Variants in VAMP7 observed in about 807,000 individuals in gnomAD.
The protein encoded by VAMP7 is vesicle-associated membrane protein 7.
In VAMP7, 14 loss-of-function variants were observed where a neutral mutation model predicts 29.6. That is an observed-to-expected ratio of 0.47 (90% CI 0.31 to 0.74). The LOEUF (loss-of-function observed/expected upper bound fraction) is 0.74, where lower values mean the gene tolerates loss of function less well. Ranked by LOEUF, VAMP7 falls within the 30% of genes least tolerant of loss-of-function variation. The pLI, the probability that VAMP7 is intolerant of heterozygous loss-of-function variation, is 0.05. For synonymous variants in VAMP7, 95 were observed against 88.1 expected (o/e 1.08, Z -0.44); for missense variants, 223 against 262.4 (o/e 0.85, Z 1.04).
In VAMP7 at chrX:155,942,181, G is replaced by A. The variant is rs2066755456; in HGVS notation, c.*230G>A. The A allele has an allele frequency of 1.3e-6, 2 of 1,535,432 alleles. No homozygotes were observed. The highest frequency in any genetic ancestry group is 2.1e-5 in the Admixed American group (1 of 48,190). On this transcript the variant is annotated 3_prime_UTR_variant, in exon 8 of 8. Coordinates refer to ENST00000286448, the MANE Select transcript of VAMP7 (RefSeq NM_005638.6). Reference sequence around the variant, plus strand: ...TTCATTGCAGCAGTAGCCTTAAAAAGGCTTTTGTTTATTTCTTTGGTTTGT... The same window carrying A: ...TTCATTGCAGCAGTAGCCTTAAAAAAGCTTTTGTTTATTTCTTTGGTTTGT...
At chrX:155,938,522 C>T (rs2066696108) in intron 6 of VAMP7, among the ~76,000 whole-genome samples, 2 of 152,140 alleles carry the variant, frequency 1.3e-5, no homozygotes, top group South Asian at 2.1e-4. Context: ...ACAAAGTAAA[C>T]ATACCATGTA....
intron 5 of VAMP7, among the ~76,000 whole-genome samples, chrX:155,914,461 C>A (rs1354843045): frequency 1.3e-5 from 2 of 152,070 alleles, no homozygotes; most frequent in Non-Finnish European, 2.9e-5. Flanking sequence ...GGAATACTTC[C>A]AGCTTTTGCC....
At chrX:155,908,616 T>TTTG (rs1257032825) in intron 5 of VAMP7, among the ~76,000 whole-genome samples, 1 of 19,820 alleles carries the variant, frequency 5.0e-5, no homozygotes, top group Non-Finnish European at 9.2e-5. Context: ...TTGTGATGTC[T>TTTG]TTGGTTTTGA....
At chrX:155,886,562 G>T (rs982012789) in intron 1 of VAMP7, among the ~76,000 whole-genome samples, 1 of 152,026 alleles carries the variant, frequency 6.6e-6, no homozygotes, top group African/African-American at 2.4e-5. Context: ...AAAAACTATT[G>T]TCATGTTCCC....
chrX:155,886,636 A>C (rs920303751), intron 1 of VAMP7, among the ~76,000 whole-genome samples: 11 of 152,096 alleles, frequency 7.2e-5, no homozygotes, highest in African/African-American at 2.7e-4. Context: ...CAGATGACAC[A>C]ATCTCCATGT....
intron 6 of VAMP7, among the ~76,000 whole-genome samples, chrX:155,925,258 A>T (rs1170120474): frequency 9.9e-5 from 15 of 152,158 alleles, no homozygotes; most frequent in Non-Finnish European, 2.2e-4. Context: ...AGAATGGTGA[A>T]TCCTTTCTAG....
chrX:155,911,807 C>A (rs988828226), intron 5 of VAMP7, among the ~76,000 whole-genome samples: 2 of 152,024 alleles, frequency 1.3e-5, no homozygotes, highest in Non-Finnish European at 2.9e-5. Flanking sequence ...TATGTTGATT[C>A]TGTATCCTGC....
At chrX:155,905,560 T>A (rs933507514) in intron 5 of VAMP7, among the ~76,000 whole-genome samples, 3 of 152,210 alleles carry the variant, frequency 2.0e-5, no homozygotes, top group Non-Finnish European at 4.4e-5. Flanking sequence ...ATCTATGATC[T>A]ATTTTGAGTT....
At chrX:155,898,069 T>C (rs773409589) in intron 3 of VAMP7, 43 bp from the exon 4 acceptor site, 49 of 1,598,440 alleles carry the variant, frequency 3.1e-5, no homozygotes, top group Non-Finnish European at 3.9e-5. Flanking sequence ...ACATCATCTT[T>C]GTTTACTTTC....
chrX:155,929,695 C>T (rs896480092), intron 6 of VAMP7, among the ~76,000 whole-genome samples: 9 of 152,036 alleles, frequency 5.9e-5, no homozygotes, highest in East Asian at 3.9e-4. Flanking sequence ...GATGGAAAGA[C>T]GTAAAAAAGG....
intron 5 of VAMP7, among the ~76,000 whole-genome samples, chrX:155,911,182 T>C (rs1231557728): frequency 6.6e-6 from 1 of 152,222 alleles, no homozygotes; most frequent in African/African-American, 2.4e-5. Context: ...ATACCATTTA[T>C]TGAAGAAAGT....
In VAMP7 at chrX:155,942,369, GTTA is replaced by G. The variant is rs1373429357; in HGVS notation, c.*421_*423del. On this transcript the variant is annotated 3_prime_UTR_variant, in exon 8 of 8. Coordinates refer to ENST00000286448, the MANE Select transcript of VAMP7 (RefSeq NM_005638.6). ...CTAACATCTCATCTTAATGTCTTTT[GTTA>G]TTGAGAAGTTTTAGGTGCTTCAAAA... 1 of 552,886 alleles carries G rather than the reference GTTA, an allele frequency of 1.8e-6. No homozygotes were observed. The highest frequency in any genetic ancestry group is 1.9e-5 in the African/African-American group (1 of 53,410). 34.2% of individuals were successfully genotyped at this position (552,886 alleles called of 1,614,324 possible).
chrX:155,925,756 G>T (rs186800006), intron 6 of VAMP7, among the ~76,000 whole-genome samples: 1 of 152,136 alleles, frequency 6.6e-6, no homozygotes, highest in African/African-American at 2.4e-5. Flanking sequence ...AATCAGATAC[G>T]CATTTATCTC....
In VAMP7 at chrX:155,939,757, C is replaced by A; in HGVS notation, c.558C>A (p.Asn186Lys). ...TTGCTCGAGCCATGTGTATGAAGAA[C>A]CTCAAGCTCACTATTATCATCATCA... ...RNLARAMCMK[N>K]LKLTIIIIIV... The change falls in exon 7 of 8, where the codon AAC (asparagine) becomes AAA (lysine). Residue 186 changes from asparagine (N) to lysine (K), a missense_variant. Asn to Lys is a moderately conservative substitution (Grantham distance 94). Coordinates refer to ENST00000286448, the MANE Select transcript of VAMP7 (RefSeq NM_005638.6). 6.2e-7 allele frequency: 1 copy of A among 1,613,844 alleles called. No homozygotes were observed. The highest frequency in any genetic ancestry group is 8.5e-7 in the Non-Finnish European group (1 of 1,179,826).
chrX:155,908,782 CT>C (rs1375859693), intron 5 of VAMP7, among the ~76,000 whole-genome samples: 1 of 151,914 alleles, frequency 6.6e-6, no homozygotes, highest in African/African-American at 2.4e-5. Context: ...TTGTGTGAAG[CT>C]TTTTTGTTTT....
chrX:155,897,525 T>C, intron 3 of VAMP7, among the ~76,000 whole-genome samples: 1 of 152,340 alleles, frequency 6.6e-6, no homozygotes, highest in Middle Eastern at 3.4e-3. Context: ...AGCTATAATT[T>C]GATACACACA....
At chrX:155,935,854 A>G (rs2066644952) in intron 6 of VAMP7, among the ~76,000 whole-genome samples, 1 of 151,798 alleles carries the variant, frequency 6.6e-6, no homozygotes, top group Non-Finnish European at 1.5e-5. Context: ...GTCTTTGATG[A>G]TGGTGACATA....
intron 1 of VAMP7, among the ~76,000 whole-genome samples, chrX:155,885,313 G>A (rs1250756094): frequency 1.3e-5 from 2 of 152,152 alleles, no homozygotes; most frequent in Non-Finnish European, 2.9e-5. Flanking sequence ...CAAGGAAAAC[G>A]AAGGGACAGA....
intron 3 of VAMP7, 69 bp downstream of exon 3, chrX:155,895,749 T>G: frequency 6.9e-7 from 1 of 1,459,814 alleles, no homozygotes. Flanking sequence ...CTTAATTATC[T>G]ATACCAGGGG....
Sources: gnomAD v4.1 joint callset for allele counts (sites outside exome capture counted in the v4.1 genomes callset) on GRCh38, gnomAD v4.1.1 for gene constraint, MANE v1.5 for transcripts, NCBI Gene and HGNC (gene_info 2026-07-23, HGNC 2026-07-21) for gene names.